ZMIZ2: variants seen among roughly 807,000 people sequenced by gnomAD.
The protein encoded by ZMIZ2 is zinc finger MIZ domain-containing protein 2.
A neutral mutation model predicts 93.9 loss-of-function variants in ZMIZ2; 26 were observed. The ratio of observed to expected loss-of-function variants is 0.28; its 90% CI spans 0.20 to 0.38. The LOEUF (loss-of-function observed/expected upper bound fraction) is 0.38. ZMIZ2 is among the 10% of genes least tolerant of loss of function. The pLI, the probability that ZMIZ2 is intolerant of heterozygous loss-of-function variation, is 1.00. For synonymous variants in ZMIZ2, 485 were observed against 516.4 expected (o/e 0.94, Z 0.82); for missense variants, 1,023 against 1,235.0 (o/e 0.83, Z 2.57).
chr7:44,755,598 A>T (rs1008407739), intron 1 of ZMIZ2, among the ~76,000 whole-genome samples: 1 of 152,030 alleles, frequency 6.6e-6, no homozygotes, highest in Non-Finnish European at 1.5e-5. Flanking sequence ...CAGGATGGAG[A>T]GTTGTTGGTT....
In ZMIZ2 at chr7:44,758,889, G is replaced by A. The variant is rs377405676; in HGVS notation, c.814-392G>A. ...AGATCATGCCACTGCACTCCAGCCTGGGTGACAGAATAAGACTCCATCTCA... is the reference window on the plus strand; with the variant it reads ...AGATCATGCCACTGCACTCCAGCCTAGGTGACAGAATAAGACTCCATCTCA... On this transcript the variant is annotated intron_variant, in intron 6 of 18. Coordinates refer to ENST00000309315, the MANE Select transcript of ZMIZ2 (RefSeq NM_031449.4). Among the ~76,000 whole-genome samples, 45 of 149,006 alleles carry A rather than the reference G, an allele frequency of 3.0e-4. No individual in the cohort carries two copies. In the South Asian group the frequency reaches 3.4e-3, roughly 11 times the overall value.
At chr7:44,762,013 C>T in intron 11 of ZMIZ2, 108 bp downstream of exon 11, 1 of 1,303,646 alleles carries the variant, frequency 7.7e-7, no homozygotes, top group South Asian at 1.6e-5. Flanking sequence ...GGGCCTGGCC[C>T]AGCGGCGCAG....
chr7:44,756,772 A>G (rs766903225), intron 3 of ZMIZ2, 175 bp from the exon 4 acceptor site: 4 of 867,296 alleles, frequency 4.6e-6, no homozygotes, highest in Non-Finnish European at 7.2e-6. Context: ...AGCCTTCACA[A>G]AATGCCCCAA....
At position 44,761,664 on chromosome 7, in the gene ZMIZ2, T is replaced by C. The variant is rs1791195057; in HGVS notation, c.1386-31T>C. 6.2e-7 allele frequency: 1 copy of C among 1,613,638 alleles called. No individual in the cohort carries two copies. The highest frequency in any genetic ancestry group is 8.5e-7 in the Non-Finnish European group (1 of 1,179,852). On this transcript the variant is annotated intron_variant, in intron 10 of 18. Transcript: ENST00000309315. This position sits in a 1 kb window ranked among gnomAD's most constrained non-coding sequence, Gnocchi z 5.8. ...CTCCTCCCACACTCTCAGGGCCCGT[T>C]TTCTGGGTGTCCACCCATCTTCCTG...
In ZMIZ2 at chr7:44,768,419, A is replaced by C. The variant is rs1791916984; in HGVS notation, c.*796A>C. 6.6e-6 allele frequency: 1 copy of C among 150,668 alleles called. No individual in the cohort carries two copies. The highest frequency in any genetic ancestry group is 2.4e-5 in the African/African-American group (1 of 41,064). 9.3% of individuals were successfully genotyped at this position (150,668 alleles called of 1,614,324 possible). A position where few individuals can be genotyped will look rare whatever the true frequency, so the allele number is the denominator to read the frequency against. ...GGGACAGTGAGCTTCGGCCTGGCCG[A>C]GGTGGGTGGGTGGGCTCTCAGATTC... On this transcript the variant is annotated 3_prime_UTR_variant, in exon 19 of 19. Transcript: ENST00000309315.
In ZMIZ2 at chr7:44,767,644, C is replaced by T. The variant is rs776129546; in HGVS notation, c.*21C>T. ...ACTGATCCTGTGTTTACCCCAAGCCCGGCGGGGACACGCTCACAGATGTCA... is the reference window on the plus strand; with the variant it reads ...ACTGATCCTGTGTTTACCCCAAGCCTGGCGGGGACACGCTCACAGATGTCA... On this transcript the variant is annotated 3_prime_UTR_variant, in exon 19 of 19. Coordinates refer to ENST00000309315, the MANE Select transcript of ZMIZ2 (RefSeq NM_031449.4). 97 of 1,598,662 alleles carry T rather than the reference C, an allele frequency of 6.1e-5. No individual in the cohort carries two copies. The highest frequency in any genetic ancestry group is 8.9e-5 in the East Asian group (4 of 44,792).
chr7:44,758,650 C>T (rs1366199836), intron 6 of ZMIZ2, among the ~76,000 whole-genome samples: 1 of 151,742 alleles, frequency 6.6e-6, no homozygotes, highest in East Asian at 1.9e-4. Flanking sequence ...CGGTGGCTCA[C>T]GCCTGTAATC....
Position 44,766,407 on chromosome 7 carries a change from C to T in ZMIZ2, c.2413-14C>T, listed in dbSNP as rs185551302. The T allele has an allele frequency of 5.8e-5, 94 of 1,613,866 alleles. No individual in the cohort carries two copies. The Admixed American group carries it at 7.5e-4, about 13-fold the overall frequency. On this transcript the variant is annotated splice_polypyrimidine_tract_variant and intron_variant, in intron 17 of 18. Coordinates refer to ENST00000309315, the MANE Select transcript of ZMIZ2 (RefSeq NM_031449.4). The surrounding 1 kb of genome is among the most constrained non-coding windows in gnomAD (Gnocchi z 4.4). Reference sequence around the variant, plus strand: ...CCCTGAGCTGTTTTAACAAATTCTTCTCTCTGTCTTCAGATGGCACCAGCA... The same window carrying T: ...CCCTGAGCTGTTTTAACAAATTCTTTTCTCTGTCTTCAGATGGCACCAGCA...
rs758030506 is a variant in ZMIZ2 at position 44,764,504 on chromosome 7, C to T, written c.1928+18C>T. Reference sequence around the variant, plus strand: ...GTGTGCAAGTGAGTCTCAGATGCAGCGTGTGATGGAGGAGGGGCTGGTGCT... The same window carrying T: ...GTGTGCAAGTGAGTCTCAGATGCAGTGTGTGATGGAGGAGGGGCTGGTGCT... On this transcript the variant is annotated intron_variant, in intron 14 of 18. Transcript: ENST00000309315. 1.2e-6 allele frequency: 2 copies of T among 1,613,004 alleles called. No individual in the cohort carries two copies. The highest frequency in any genetic ancestry group is 1.1e-5 in the South Asian group (1 of 90,930).
Position 44,767,580 on chromosome 7 carries a change from C to T in ZMIZ2, c.2720C>T (p.Thr907Met), listed in dbSNP as rs751915915. ...LSYLGPPDLP[T>M]NNNDDLLSLF... is the part of the protein sequence containing the mutation. ...TACTTGGGCCCACCCGACCTCCCTACGAACAACAATGACGACCTGCTTTCT... is the reference window on the plus strand; with the variant it reads ...TACTTGGGCCCACCCGACCTCCCTATGAACAACAATGACGACCTGCTTTCT... Residue 907 changes from threonine (T) to methionine (M), a missense_variant, in exon 19 of 19, where the codon ACG (threonine) becomes ATG (methionine). By Grantham distance (81) the Thr-to-Met change is moderately conservative. Coordinates refer to ENST00000309315, the MANE Select transcript of ZMIZ2 (RefSeq NM_031449.4). 34 of 1,614,066 alleles carry T rather than the reference C, an allele frequency of 2.1e-5. No homozygotes were observed. The highest frequency in any genetic ancestry group is 3.3e-5 in the Admixed American group (2 of 60,008).
At chr7:44,749,126 G>T (rs1187065561) in intron 1 of ZMIZ2, 135 bp downstream of exon 1, 2 of 152,134 alleles carry the variant, frequency 1.3e-5, no homozygotes, top group Non-Finnish European at 2.9e-5. Flanking sequence ...CGCCCGGGGC[G>T]CCCCGGTTCC....
In ZMIZ2 at chr7:44,757,457, G is replaced by A. The variant is rs1397789925; in HGVS notation, c.448G>A (p.Ala150Thr). 1 of 1,607,316 alleles carries A rather than the reference G, an allele frequency of 6.2e-7. No homozygotes were observed. Among genetic ancestry groups the A allele is most frequent in the Non-Finnish European group, 8.5e-7 (1 of 1,179,706 alleles). ...PSTDFTQAAA[A>T]AAVAAAAATA... is the part of the protein sequence containing the mutation. ...CACTGACTTCACGCAAGCGGCAGCT[G>A]CTGCAGCTGTGGCTGCTGCGGCAGC... The change falls in exon 5 of 19, where the codon GCT becomes ACT. Residue 150 changes from alanine (A) to threonine (T), a missense_variant. This residue lies in a region of ZMIZ2 where 656 missense variants were observed against 777.1 expected (regional missense o/e 0.84). Transcript: ENST00000309315.
In ZMIZ2 at chr7:44,760,539, C is replaced by T. The variant is rs1290714684; in HGVS notation, c.1186C>T (p.Pro396Ser). 5.6e-6 allele frequency: 9 copies of T among 1,614,036 alleles called. No homozygotes were observed. The African/African-American group carries it at 8.0e-5, about 14-fold the overall frequency. The change falls in exon 9 of 19, where the codon CCC becomes TCC. Residue 396 changes from proline (P) to serine (S), a missense_variant. Pro to Ser is a moderately conservative substitution (Grantham distance 74). Transcript: ENST00000309315. ...YMSPNQEVKS[P>S]FLPDLKPNLN... ...GTCACCAAACCAAGAGGTCAAGTCTCCCTTCTTGCCTGATCTCAAGCCCAA... is the reference window on the plus strand; with the variant it reads ...GTCACCAAACCAAGAGGTCAAGTCTTCCTTCTTGCCTGATCTCAAGCCCAA...
In ZMIZ2 at chr7:44,761,603, GCCTGGCCCCCA is replaced by G. The variant is rs1328045508; in HGVS notation, c.1385+15_1385+25del. ...AGACCCTGATAATGAGGTGAGCTCC[GCCTGGCCCCCA>G]CCTGACCCCCACGAGGCTCTGTTCC... is the stretch of plus-strand genomic sequence containing the variant. On this transcript the variant is annotated intron_variant, in intron 10 of 18. Transcript: ENST00000309315. This position sits in a 1 kb window ranked among gnomAD's most constrained non-coding sequence, Gnocchi z 5.8. The G allele has an allele frequency of 6.2e-7, 1 of 1,613,702 alleles. No homozygotes were observed. Among genetic ancestry groups the G allele is most frequent in the African/African-American group, 1.3e-5 (1 of 74,898 alleles).
chr7:44,764,360 C>T (rs1791486146), intron 13 of ZMIZ2, 59 bp from the exon 14 acceptor site: 13 of 1,541,516 alleles, frequency 8.4e-6, no homozygotes, highest in Non-Finnish European at 1.2e-5. Flanking sequence ...TGCAGAGTGA[C>T]CAGATTTTCC....
At chr7:44,753,856 A>C (rs1323992471) in intron 1 of ZMIZ2, among the ~76,000 whole-genome samples, 1 of 152,190 alleles carries the variant, frequency 6.6e-6, no homozygotes, top group Non-Finnish European at 1.5e-5. Flanking sequence ...TAAGGTGTGA[A>C]GTTTAGGTGT....
rs111735941 is a variant in ZMIZ2 at position 44,757,240 on chromosome 7, C to T, written c.368+91C>T. ...GTGGCGCTGATCAGCTGGACGTTCC[C>T]TCTCTGCTTCCTGACAGCTGTAGTG... is the stretch of plus-strand genomic sequence containing the variant. On this transcript the variant is annotated intron_variant, in intron 4 of 18. Coordinates refer to ENST00000309315, the MANE Select transcript of ZMIZ2 (RefSeq NM_031449.4). The T allele has an allele frequency of 9.9e-4, 1,497 of 1,507,456 alleles. 11 individuals are homozygous for T. The African/African-American group carries it at 0.014, about 14-fold the overall frequency. 93.4% of individuals were successfully genotyped at this position (1,507,456 alleles called of 1,614,324 possible).
At chr7:44,764,577 C>A in intron 14 of ZMIZ2, 91 bp downstream of exon 14, 1 of 1,419,000 alleles carries the variant, frequency 7.0e-7, no homozygotes, top group Non-Finnish European at 9.8e-7. Flanking sequence ...ATCAAAGATA[C>A]GAGCCTGCTG....
rs751339057 is a variant in ZMIZ2, at chr7:44,757,388, G to A, written c.379G>A (p.Gly127Ser). 2.1e-5 allele frequency: 33 copies of A among 1,600,106 alleles called. No individual in the cohort carries two copies. The highest frequency in any genetic ancestry group is 1.3e-4 in the East Asian group (6 of 44,846). The change falls in exon 5 of 19, where the codon GGC becomes AGC. Residue 127 changes from glycine (G) to serine (S), a missense_variant. By Grantham distance (56) the Gly-to-Ser change is moderately conservative. Around this residue, in one of 3 missense-constraint regions of ZMIZ2, gnomAD observed 656 missense variants for 777.1 expected, o/e 0.84. Transcript: ENST00000309315. ...CTGTGTCTCCTGCAGGTATGCAGGC[G>A]GCCCGGGGGGCCTGGGCCTCCCCTC... ...APGFTTGYAGGPGGLGLPSHA... is the reference protein window; with the variant it reads ...APGFTTGYAGSPGGLGLPSHA...
Sources: allele counts gnomAD v4.1 joint callset (sites outside exome capture counted in the v4.1 genomes callset), GRCh38; gene constraint gnomAD v4.1.1; regional missense constraint gnomAD v4.1.1; non-coding constraint Gnocchi (gnomAD v3.1); transcripts MANE v1.5; gene names NCBI Gene and HGNC (gene_info 2026-07-23, HGNC 2026-07-21).